The following SOX5 variants were observed in gnomAD, a reference collection of about 807,000 sequenced individuals.
The protein encoded by SOX5 is transcription factor SOX-5.
SOX5 carries 9 observed loss-of-function variants against 92.0 expected under a neutral mutation model. That is an observed-to-expected ratio of 0.10 (90% CI 0.06 to 0.17). The LOEUF (loss-of-function observed/expected upper bound fraction) is 0.17. Ranked by LOEUF, SOX5 falls within the 10% of genes least tolerant of loss-of-function variation. The probability of loss-of-function intolerance (pLI) is 1.00; values close to 1 mark genes in which losing one functional copy is unlikely to be tolerated. For missense variants in SOX5, 642 were observed against 944.5 expected (o/e 0.68, Z 4.20); for synonymous variants, 344 against 336.3 (o/e 1.02, Z -0.25).
At chr12:24,384,887 G>A (rs752417063) in intron 1 of SOX5, among the ~76,000 whole-genome samples, 1 of 152,130 alleles carries the variant, frequency 6.6e-6, no homozygotes, top group Non-Finnish European at 1.5e-5. Flanking sequence ...CTGCAATACA[G>A]AAGGTCAGTA....
intron 3 of SOX5, among the ~76,000 whole-genome samples, chr12:23,758,245 T>C (rs1211705014): frequency 6.6e-6 from 1 of 151,956 alleles, no homozygotes; most frequent in Non-Finnish European, 1.5e-5. Flanking sequence ...TCTCATTTAA[T>C]GGTAATAACC....
intron 11 of SOX5, among the ~76,000 whole-genome samples, chr12:23,560,263 TATAAG>T (rs1343509958): frequency 6.6e-5 from 10 of 152,332 alleles, no homozygotes; most frequent in East Asian, 3.9e-4. Context: ...ATTCAAGTGA[TATAAG>T]ATAATAGTGC....
At chr12:23,656,666 C>T (rs192966117) in intron 7 of SOX5, among the ~76,000 whole-genome samples, 1 of 152,020 alleles carries the variant, frequency 6.6e-6, no homozygotes, top group Admixed American at 6.5e-5. Flanking sequence ...ATATGATATA[C>T]AGTACATATC....
chr12:24,330,217 C>T lies in SOX5; in HGVS notation c.-174+38346G>A, dbSNP rs113576795. On this transcript the variant is annotated intron_variant, in intron 2 of 4. Transcript: ENST00000446891. The stretch of plus-strand genomic sequence containing the variant: ...AAAAATTTCTGCCAAGTAAAATTAA[C>T]GCATCAATTATGACAATACATGTAA... Among the ~76,000 whole-genome samples, 77 of 152,128 alleles carry T rather than the reference C, an allele frequency of 5.1e-4. 1 individual carries two copies. Among genetic ancestry groups the T allele is most frequent in the African/African-American group, 1.6e-3 (66 of 41,496 alleles).
chr12:23,540,330 A>C (rs950328116), intron 13 of SOX5, among the ~76,000 whole-genome samples: 1 of 150,284 alleles, frequency 6.7e-6, no homozygotes, highest in African/African-American at 2.4e-5. Context: ...ACTAACCTGC[A>C]CATGGTGGAC....
chr12:24,306,616 G>A (rs955771609), intron 2 of SOX5, among the ~76,000 whole-genome samples: 2 of 152,174 alleles, frequency 1.3e-5, no homozygotes, highest in African/African-American at 4.8e-5. Flanking sequence ...GACAAAGAAT[G>A]CTGGGAGAGG....
intron 2 of SOX5, 43 bp downstream of exon 2, chr12:23,895,750 G>T: frequency 7.2e-7 from 1 of 1,394,868 alleles, no homozygotes; most frequent in Non-Finnish European, 1.0e-6. Context: ...GAGTAGACTG[G>T]TCAAAAAGTG....
chr12:23,847,293 C>T (rs984697691), intron 2 of SOX5, among the ~76,000 whole-genome samples: 14 of 151,996 alleles, frequency 9.2e-5, no homozygotes, highest in Non-Finnish European at 1.8e-4. Flanking sequence ...ATTAAAAGTT[C>T]GCATTAAAAT....
chr12:24,128,933 G>T (rs775374827), intron 4 of SOX5, among the ~76,000 whole-genome samples: 6 of 152,134 alleles, frequency 3.9e-5, no homozygotes, highest in Non-Finnish European at 5.9e-5. Context: ...TAGGAAGGTG[G>T]CAATGGAAAA....
At chr12:24,178,244 CT>C (rs5797065) in intron 4 of SOX5, among the ~76,000 whole-genome samples, 16,525 of 109,398 alleles carry the variant, frequency 0.15, 1,507 homozygotes, top group African/African-American at 0.32. Flanking sequence ...AAGAGCTTGA[CT>C]TTTTTTTTTT....
chr12:24,413,334 C>T (rs1376016417), intron 1 of SOX5, among the ~76,000 whole-genome samples: 1 of 152,116 alleles, frequency 6.6e-6, no homozygotes, highest in Non-Finnish European at 1.5e-5. Context: ...TTTCCTTGCT[C>T]AAAAGAATAT....
intron 1 of SOX5, among the ~76,000 whole-genome samples, chr12:24,558,127 A>G (rs902844954): frequency 2.6e-5 from 4 of 152,352 alleles, no homozygotes; most frequent in Middle Eastern, 3.4e-3. Flanking sequence ...ATAAACTGCC[A>G]AAATAACAGT....
chr12:24,144,592 C>T (rs1484354281), intron 4 of SOX5, among the ~76,000 whole-genome samples: 2 of 152,070 alleles, frequency 1.3e-5, no homozygotes, highest in African/African-American at 4.8e-5. Context: ...GATCGCTTGA[C>T]ACCAGGAGTT....
chr12:23,922,944 T>A (rs1421582212), intron 1 of SOX5, among the ~76,000 whole-genome samples: 1 of 100,174 alleles, frequency 1.0e-5, no homozygotes, highest in Non-Finnish European at 2.4e-5. Context: ...AAGCTCCTTC[T>A]TTTTTTTTTT....
At chr12:24,512,611 C>T (rs141058123) in intron 1 of SOX5, among the ~76,000 whole-genome samples, 2,226 of 152,284 alleles carry the variant, frequency 0.015, 32 homozygotes, top group Non-Finnish European at 0.025. Flanking sequence ...GAAAGAGGTG[C>T]ATATTCACAG....
intron 1 of SOX5, among the ~76,000 whole-genome samples, chr12:23,935,502 AG>A (rs1323475255): frequency 1.3e-5 from 2 of 151,256 alleles, no homozygotes; most frequent in Admixed American, 6.6e-5. Flanking sequence ...CTTACTACAA[AG>A]GACTTGAGAA....
intron 2 of SOX5, among the ~76,000 whole-genome samples, chr12:24,326,548 G>T (rs1270849104): frequency 6.6e-6 from 1 of 151,976 alleles, no homozygotes; most frequent in Admixed American, 6.6e-5. Flanking sequence ...TTTTTTGAAC[G>T]AGGTTATGAA....
At position 24,547,178 on chromosome 12, in the gene SOX5, ATTT is replaced by A. The variant is rs575562827; in HGVS notation, c.-251+15148_-251+15150del. On this transcript the variant is annotated intron_variant, in intron 1 of 4. Transcript: ENST00000446891. ...AGTGAGAAGTCAACTGATATCTAAC[ATTT>A]TTTTTTTTTTTTTTTTTTTTTGAGA... Among the ~76,000 whole-genome samples, 150 of 99,760 alleles carry A rather than the reference ATTT, an allele frequency of 1.5e-3. 1 individual carries two copies. The highest frequency in any genetic ancestry group is 5.9e-3 in the Middle Eastern group (1 of 170). 65.4% of individuals were successfully genotyped at this position (99,760 alleles called of 152,430 possible).
chr12:23,574,531 A>T (rs751738985), intron 10 of SOX5, among the ~76,000 whole-genome samples: 1 of 152,150 alleles, frequency 6.6e-6, no homozygotes, highest in Admixed American at 6.6e-5. Context: ...AATTATGTCA[A>T]TTCTTCCTTG....
Sources: allele counts gnomAD v4.1 joint callset (sites outside exome capture counted in the v4.1 genomes callset), GRCh38; gene constraint gnomAD v4.1.1; transcripts MANE v1.5; gene names NCBI Gene and HGNC (gene_info 2026-07-23, HGNC 2026-07-21).